Variants in CSDC2 observed in about 807,000 individuals in gnomAD.
The protein encoded by CSDC2 is cold shock domain-containing protein C2.
In CSDC2, 8 loss-of-function variants were observed where a neutral mutation model predicts 15.8. That is an observed-to-expected ratio of 0.51 (90% CI 0.30 to 0.92). The LOEUF is 0.92. Ranked by LOEUF, CSDC2 falls within the 40% of genes least tolerant of loss-of-function variation. The pLI is 0.07. For missense variants in CSDC2, 195 were observed against 213.3 expected (o/e 0.91, Z 0.53); for synonymous variants, 96 against 92.3 (o/e 1.04, Z -0.23).
At chr22:41,564,027 T>A (rs547539305) in intron 1 of CSDC2, among the ~76,000 whole-genome samples, 1 of 143,920 alleles carries the variant, frequency 6.9e-6, no homozygotes, top group Non-Finnish European at 1.5e-5. Flanking sequence ...GAGCTTGCAG[T>A]GAGCCGAGAT....
At position 41,561,170 on chromosome 22, in the gene CSDC2, G is replaced by C. The variant is rs2067082711; in HGVS notation, c.-137G>C. On this transcript the variant is annotated 5_prime_UTR_variant, in exon 1 of 4. Transcript: ENST00000306149. ...CGCAGGAGGCAGTGCCTGGACCCCA[G>C]CTGCCCAGGAGAGGTGAGGGGCTAG... 1 of 152,730 alleles carries C rather than the reference G, an allele frequency of 6.5e-6. No individual in the cohort carries two copies. The highest frequency in any genetic ancestry group is 2.1e-4 in the South Asian group (1 of 4,850). The allele number at this position is 152,730 out of a possible 1,614,324, so 9.5% of individuals were successfully genotyped here.
At chr22:41,563,042 C>T (rs1043190487) in intron 1 of CSDC2, among the ~76,000 whole-genome samples, 11 of 152,300 alleles carry the variant, frequency 7.2e-5, no homozygotes, top group African/African-American at 2.6e-4. Context: ...CCCACCACCA[C>T]CCAAGCCACA....
Position 41,572,020 on chromosome 22 carries a change from T to G in CSDC2, c.55T>G (p.Ser19Ala), listed in dbSNP as rs1437367879. 12 of 1,353,262 alleles carry G rather than the reference T, an allele frequency of 8.9e-6. No homozygotes were observed. The highest frequency in any genetic ancestry group is 1.1e-5 in the Non-Finnish European group (12 of 1,050,118). 83.8% of individuals were successfully genotyped at this position (1,353,262 alleles called of 1,614,324 possible). Residue 19 changes from serine (S) to alanine (A), a missense_variant, in exon 2 of 4, where the codon TCC (serine) becomes GCC (alanine). Ser to Ala is a moderately conservative substitution (Grantham distance 99). Coordinates refer to ENST00000306149, the MANE Select transcript of CSDC2 (RefSeq NM_014460.4). ...TGTGCCCCCGCTCCACTCCCCCAAGTCCCCAGTCTGGCCCACCTTCCCCTT... is the reference window on the plus strand; with the variant it reads ...TGTGCCCCCGCTCCACTCCCCCAAGGCCCCAGTCTGGCCCACCTTCCCCTT... ...PVVPPLHSPK[S>A]PVWPTFPFHR...
At chr22:41,562,449 C>T (rs543276468) in intron 1 of CSDC2, among the ~76,000 whole-genome samples, 3 of 151,572 alleles carry the variant, frequency 2.0e-5, no homozygotes, top group Admixed American at 6.6e-5. Context: ...ACTGCCTGCC[C>T]GTGTCCTGGG....
intron 1 of CSDC2, among the ~76,000 whole-genome samples, chr22:41,563,373 C>T (rs2067097705): frequency 6.6e-6 from 1 of 152,146 alleles, no homozygotes; most frequent in South Asian, 2.1e-4. Context: ...TGCACAAGCT[C>T]CCGATGTTCG....
intron 1 of CSDC2, among the ~76,000 whole-genome samples, chr22:41,566,053 CCAGCA>C (rs1425251549): frequency 1.6e-4 from 24 of 151,894 alleles, no homozygotes; most frequent in Non-Finnish European, 2.4e-4. Flanking sequence ...GCCTGAAATC[CCAGCA>C]CTTTGGGAGG....
At chr22:41,570,813 C>G (rs2067141496) in intron 1 of CSDC2, among the ~76,000 whole-genome samples, 1 of 133,204 alleles carries the variant, frequency 7.5e-6, no homozygotes, top group Non-Finnish European at 1.6e-5. Context: ...CAGAGTGAGA[C>G]TCTGTCTCAA....
At chr22:41,562,521 G>A (rs1432684111) in intron 1 of CSDC2, among the ~76,000 whole-genome samples, 1 of 152,062 alleles carries the variant, frequency 6.6e-6, no homozygotes, top group Non-Finnish European at 1.5e-5. Context: ...ACATGGCTAG[G>A]CAATGTTCAC....
chr22:41,565,814 C>T (rs1052994719), intron 1 of CSDC2, among the ~76,000 whole-genome samples: 6 of 152,204 alleles, frequency 3.9e-5, no homozygotes, highest in Admixed American at 3.9e-4. Flanking sequence ...CCTTTGTCTG[C>T]AGAGTCAGTC....
At chr22:41,561,211 A>G (rs2067082988) in intron 1 of CSDC2, 28 bp downstream of exon 1, 3 of 152,556 alleles carry the variant, frequency 2.0e-5, no homozygotes, top group Admixed American at 2.0e-4. Context: ...GCCTGAGGAC[A>G]CTGTGCCAGA....
chr22:41,572,288 A>C (rs1367480409), intron 2 of CSDC2, 147 bp downstream of exon 2: 2 of 577,070 alleles, frequency 3.5e-6, no homozygotes, highest in Non-Finnish European at 5.2e-6. Context: ...TTTGTCCCAT[A>C]CATCCATTCA....
Position 41,573,604 on chromosome 22 carries a change from C to A in CSDC2, c.177-51C>A, listed in dbSNP as rs779948581. The A allele has an allele frequency of 5.7e-6, 9 of 1,572,706 alleles. No individual in the cohort carries two copies. The Admixed American group carries it at 7.2e-5, about 12-fold the overall frequency. ...AGGGCCCAGAATGGCTGTAGGGATC[C>A]GGGGAGGAGTTCCTCAGGCCACAGC... On this transcript the variant is annotated intron_variant, in intron 2 of 3. Transcript: ENST00000306149.
chr22:41,573,600 G>A, intron 2 of CSDC2, 55 bp from the exon 3 acceptor site: 1 of 1,569,916 alleles, frequency 6.4e-7, no homozygotes, highest in South Asian at 1.1e-5. Flanking sequence ...TGGCTGTAGG[G>A]ATCCGGGGAG....
chr22:41,564,493 C>G (rs2067103647), intron 1 of CSDC2, among the ~76,000 whole-genome samples: 2 of 152,046 alleles, frequency 1.3e-5, no homozygotes, highest in South Asian at 4.1e-4. Flanking sequence ...ATCTCCTGAC[C>G]TCGTGATCCA....
intron 1 of CSDC2, among the ~76,000 whole-genome samples, chr22:41,562,564 G>A (rs904290394): frequency 6.6e-6 from 1 of 152,086 alleles, no homozygotes; most frequent in African/African-American, 2.4e-5. Flanking sequence ...AGGGGGACTT[G>A]GGGACACTCT....
In CSDC2 at chr22:41,575,367, T is replaced by G; in HGVS notation, c.*472T>G. The G allele has an allele frequency of 6.2e-6, 1 of 162,350 alleles. No individual in the cohort carries two copies. The highest frequency in any genetic ancestry group is 1.3e-5 in the Non-Finnish European group (1 of 74,576). The allele number at this position is 162,350 out of a possible 1,614,324, so 10.1% of individuals were successfully genotyped here. A position where few individuals can be genotyped will look rare whatever the true frequency, so the allele number is the denominator to read the frequency against. The stretch of plus-strand genomic sequence containing the variant: ...AGGTCCCCCGCCACAGCCTGGACCC[T>G]TCCCTCAGAAGCCTGGCCGATGGGT... On this transcript the variant is annotated 3_prime_UTR_variant, in exon 4 of 4. Coordinates refer to ENST00000306149, the MANE Select transcript of CSDC2 (RefSeq NM_014460.4).
intron 2 of CSDC2, among the ~76,000 whole-genome samples, chr22:41,572,962 A>G (rs971868211): frequency 3.9e-5 from 6 of 152,148 alleles, no homozygotes; most frequent in African/African-American, 1.2e-4. Context: ...TGCAGCCTCA[A>G]CTTCCTGGCC....
chr22:41,575,866 G>C lies in CSDC2; in HGVS notation c.*971G>C, dbSNP rs958375826. The C allele has an allele frequency of 1.1e-4, 17 of 152,346 alleles. No homozygotes were observed. The highest frequency in any genetic ancestry group is 2.6e-4 in the Admixed American group (4 of 15,294). 9.4% of individuals were successfully genotyped at this position (152,346 alleles called of 1,614,324 possible). A position where few individuals can be genotyped will look rare whatever the true frequency, so the allele number is the denominator to read the frequency against. On this transcript the variant is annotated 3_prime_UTR_variant, in exon 4 of 4. Transcript: ENST00000306149. ...AAAGCCCTAACAGACCAGTGGCCGA[G>C]GTGTGGCTCTTATTGCATCCATCCC...
chr22:41,575,672 T>G lies in CSDC2; in HGVS notation c.*777T>G, dbSNP rs1282138068. On this transcript the variant is annotated 3_prime_UTR_variant, in exon 4 of 4. Transcript: ENST00000306149. The stretch of plus-strand genomic sequence containing the variant: ...TGGGGGTCCATCTCTCCAGCTTGGC[T>G]GCAGACCTCCTTTACCCTGACTCAC... 1 of 152,612 alleles carries G rather than the reference T, an allele frequency of 6.6e-6. No homozygotes were observed. Among genetic ancestry groups the G allele is most frequent in the African/African-American group, 2.4e-5 (1 of 41,464 alleles). 9.5% of individuals were successfully genotyped at this position (152,612 alleles called of 1,614,324 possible).
Sources: gnomAD v4.1 joint callset for allele counts (sites outside exome capture counted in the v4.1 genomes callset) on GRCh38, gnomAD v4.1.1 for gene constraint, MANE v1.5 for transcripts, NCBI Gene and HGNC (gene_info 2026-07-23, HGNC 2026-07-21) for gene names.